Variants in RSPH14 observed in about 807,000 individuals in gnomAD.
The protein encoded by RSPH14 is rhabdoid tumor deletion region gene 1.
A neutral mutation model predicts 26.7 loss-of-function variants in RSPH14; 20 were observed. The ratio of observed to expected loss-of-function variants is 0.75; its 90% confidence interval spans 0.53 to 1.09. RSPH14 has a LOEUF of 1.09. Ranked by LOEUF, RSPH14 falls within the 50% of genes least tolerant of loss-of-function variation. The probability of loss-of-function intolerance (pLI) is 0.00; values close to 1 mark genes in which losing one functional copy is unlikely to be tolerated. For synonymous variants in RSPH14, 177 were observed against 189.3 expected, an observed-to-expected ratio of 0.93 and a Z score of 0.53; for missense variants, 449 against 457.2, an observed-to-expected ratio of 0.98 and a Z score of 0.16.
At chr22:23,111,028 G>T (rs550435534) in intron 4 of RSPH14, among the ~76,000 whole-genome samples, 16 of 152,332 alleles carry the variant, frequency 1.1e-4, no homozygotes, top group African/African-American at 3.4e-4. Context: ...TTCGAATGAG[G>T]GGGTAGGATA....
chr22:23,176,945 G>A, the RSPH14 span, among the ~76,000 whole-genome samples: 18 of 152,224 alleles, frequency 1.2e-4, no homozygotes, highest in Admixed American at 7.9e-4. Context: ...GTAATCACAC[G>A]GGGCAGCTCG....
chr22:23,094,955 G>A (rs927970546), intron 4 of RSPH14, among the ~76,000 whole-genome samples: 9 of 152,242 alleles, frequency 5.9e-5, no homozygotes, highest in Admixed American at 5.2e-4. Flanking sequence ...AACTGGATGC[G>A]GTAGAAGTGA....
At chr22:23,083,818 A>G (rs1022496038) in intron 4 of RSPH14, among the ~76,000 whole-genome samples, 2 of 152,334 alleles carry the variant, frequency 1.3e-5, no homozygotes, top group East Asian at 1.9e-4. Context: ...CACCTGTTCA[A>G]GGTCGCGCGG....
chr22:23,093,489 A>G (rs981552166), intron 4 of RSPH14, among the ~76,000 whole-genome samples: 3 of 152,188 alleles, frequency 2.0e-5, no homozygotes, highest in Non-Finnish European at 1.5e-5. Context: ...GGCAGCACAC[A>G]AGGTCATGTA....
At chr22:23,118,929 G>T (rs1449537264) in intron 4 of RSPH14, among the ~76,000 whole-genome samples, 3 of 152,226 alleles carry the variant, frequency 2.0e-5, no homozygotes, top group Admixed American at 1.3e-4. Flanking sequence ...ACCCAGGGGA[G>T]CCCACAAAGG....
chr22:23,066,788 TG>T (rs2068221945), intron 4 of RSPH14, among the ~76,000 whole-genome samples: 1 of 151,634 alleles, frequency 6.6e-6, no homozygotes, highest in Admixed American at 6.6e-5. Context: ...GTAGGACAGG[TG>T]GGGCACAGAG....
At chr22:23,152,985 C>T in the RSPH14 span, 2 of 1,334,936 alleles carry the variant, frequency 1.5e-6, no homozygotes, top group Non-Finnish European at 2.2e-6. Context: ...AGCTTCCGGG[C>T]ACATTTCTGT....
At chr22:23,153,562 G>T in the RSPH14 span, 2 of 985,140 alleles carry the variant, frequency 2.0e-6, no homozygotes, top group Non-Finnish European at 2.4e-6. Context: ...TGCATGCCAG[G>T]CTTGGGCAAG....
intron 4 of RSPH14, among the ~76,000 whole-genome samples, chr22:23,068,417 A>G (rs552158041): frequency 2.6e-5 from 4 of 152,374 alleles, no homozygotes; most frequent in African/African-American, 7.2e-5. Flanking sequence ...TCTGCCAGAA[A>G]AGGGCCGGTC....
At chr22:23,170,556 T>C in the RSPH14 span, among the ~76,000 whole-genome samples, 1 of 147,554 alleles carries the variant, frequency 6.8e-6, no homozygotes, top group Non-Finnish European at 1.5e-5. Flanking sequence ...TGAGAGAAGC[T>C]TGGGCAACAT....
intron 4 of RSPH14, among the ~76,000 whole-genome samples, chr22:23,072,324 C>T (rs750573630): frequency 1.3e-5 from 2 of 152,058 alleles, no homozygotes; most frequent in East Asian, 1.9e-4. Context: ...GATGGCCTGG[C>T]GGTGCTTGGA....
the RSPH14 span, among the ~76,000 whole-genome samples, chr22:23,160,485 C>T: frequency 2.3e-4 from 35 of 152,210 alleles, no homozygotes; most frequent in African/African-American, 8.2e-4. Flanking sequence ...ACAGCCCCAC[C>T]GGACAGGTAT....
chr22:23,068,160 G>A (rs908171495), intron 4 of RSPH14, among the ~76,000 whole-genome samples: 2 of 152,154 alleles, frequency 1.3e-5, no homozygotes, highest in African/African-American at 4.8e-5. Flanking sequence ...TCCTGGCCTC[G>A]TGCTCCTTCA....
intron 4 of RSPH14, among the ~76,000 whole-genome samples, chr22:23,106,022 G>A (rs1295017259): frequency 6.6e-6 from 1 of 152,306 alleles, no homozygotes; most frequent in African/African-American, 2.4e-5. Flanking sequence ...CCCTTTCGGA[G>A]CAAATGCTCC....
the RSPH14 span, among the ~76,000 whole-genome samples, chr22:23,171,009 C>T: frequency 1.3e-5 from 2 of 151,824 alleles, no homozygotes; most frequent in Non-Finnish European, 1.5e-5. Context: ...CACTCTGTCC[C>T]CAGGCTGGAG....
At chr22:23,089,790 C>T (rs1329973794) in intron 4 of RSPH14, among the ~76,000 whole-genome samples, 1 of 152,154 alleles carries the variant, frequency 6.6e-6, no homozygotes, top group Non-Finnish European at 1.5e-5. Context: ...TGAGTGGGCT[C>T]AGGGCTTGGA....
chr22:23,145,688 C>T (rs1226097772), upstream of RSPH14: 2 of 1,089,622 alleles, frequency 1.8e-6, no homozygotes, highest in Non-Finnish European at 1.3e-6. Context: ...CCTGCGGCCC[C>T]GGGGCGTCCT....
chr22:23,178,226 C>G, the RSPH14 span, among the ~76,000 whole-genome samples: 1 of 152,258 alleles, frequency 6.6e-6, no homozygotes, highest in East Asian at 1.9e-4. Context: ...ACCAGCCTGG[C>G]CAACACAGTG....
chr22:23,069,512 C>T (rs1179971856), intron 4 of RSPH14, among the ~76,000 whole-genome samples: 1 of 152,178 alleles, frequency 6.6e-6, no homozygotes, highest in Non-Finnish European at 1.5e-5. Context: ...GGTTCAGCTG[C>T]GTTTTGCTGA....
Sources: gnomAD v4.1 joint callset for allele counts (sites outside exome capture counted in the v4.1 genomes callset) on GRCh38, gnomAD v4.1.1 for gene constraint, MANE v1.5 for transcripts, NCBI Gene and HGNC (gene_info 2026-07-23, HGNC 2026-07-21) for gene names.